The following CPNE8 variants were observed in gnomAD, a reference collection of about 807,000 sequenced individuals.
The protein encoded by CPNE8 is copine 8.
CPNE8 carries 45 observed loss-of-function variants against 81.5 expected under a neutral mutation model. That is an observed-to-expected ratio of 0.55 (90% CI 0.44 to 0.71). The LOEUF is 0.71. Ranked by LOEUF, CPNE8 falls within the 30% of genes least tolerant of loss-of-function variation. The pLI, the probability that CPNE8 is intolerant of heterozygous loss-of-function variation, is 0.00. For missense variants in CPNE8, 594 were observed against 672.1 expected, an observed-to-expected ratio of 0.88 and a Z score of 1.28; for synonymous variants, 252 against 226.3, an observed-to-expected ratio of 1.11 and a Z score of -1.02.
At chr12:38,712,327 A>G (rs1320508077) in intron 13 of CPNE8, among the ~76,000 whole-genome samples, 19 of 151,212 alleles carry the variant, frequency 1.3e-4, no homozygotes, top group African/African-American at 4.1e-4. Context: ...CCTGCACCTT[A>G]GCCCACTGAG....
At chr12:38,818,235 T>C (rs1943059019) in intron 6 of CPNE8, among the ~76,000 whole-genome samples, 1 of 151,714 alleles carries the variant, frequency 6.6e-6, no homozygotes, top group Non-Finnish European at 1.5e-5. Context: ...ATCATCTAGG[T>C]TTTAAGCCCC....
chr12:38,864,007 T>C (rs889951968), intron 3 of CPNE8, among the ~76,000 whole-genome samples: 3 of 150,580 alleles, frequency 2.0e-5, no homozygotes, highest in African/African-American at 4.9e-5. Context: ...TGAGCCGAGA[T>C]TGCTCCACTG....
intron 6 of CPNE8, among the ~76,000 whole-genome samples, chr12:38,783,388 G>C (rs1942097806): frequency 6.6e-6 from 1 of 152,158 alleles, no homozygotes; most frequent in Non-Finnish European, 1.5e-5. Context: ...AAGAAAATCA[G>C]TCTTGAATCA....
At chr12:38,836,787 C>G (rs971216301) in intron 5 of CPNE8, among the ~76,000 whole-genome samples, 4 of 152,056 alleles carry the variant, frequency 2.6e-5, no homozygotes, top group African/African-American at 9.7e-5. Flanking sequence ...TTCAAAAATC[C>G]TCATGAATTT....
intron 6 of CPNE8, among the ~76,000 whole-genome samples, chr12:38,789,301 A>AC (rs1192332676): frequency 9.2e-5 from 14 of 151,712 alleles, no homozygotes; most frequent in South Asian, 2.1e-4. Flanking sequence ...CAACCTATAC[A>AC]CCTCCAGTGA....
At chr12:38,782,571 A>C (rs984497548) in intron 6 of CPNE8, among the ~76,000 whole-genome samples, 1 of 152,190 alleles carries the variant, frequency 6.6e-6, no homozygotes, top group Admixed American at 6.6e-5. Context: ...AGAAAGACCT[A>C]GAATATGAAA....
Position 38,800,619 on chromosome 12 carries a change from C to T in CPNE8, c.408-24318G>A, listed in dbSNP as rs1378302599. 1.6e-4 allele frequency among the ~76,000 whole-genome samples: 3 copies of T among 18,464 alleles called. 1 individual carries two copies. Among genetic ancestry groups the T allele is most frequent in the African/African-American group, 2.5e-4 (3 of 11,830 alleles). 12.1% of individuals were successfully genotyped at this position (18,464 alleles called of 152,430 possible). A position where few individuals can be genotyped will look rare whatever the true frequency, so the allele number is the denominator to read the frequency against. On this transcript the variant is annotated intron_variant, in intron 6 of 19. Coordinates refer to ENST00000331366, the MANE Select transcript of CPNE8 (RefSeq NM_153634.3). Reference sequence around the variant, plus strand: ...GAGCCCCTCTCCTCCTCCAAAGGAACGCAGTTCCTCACCAGCAACGGAACA... The same window carrying T: ...GAGCCCCTCTCCTCCTCCAAAGGAATGCAGTTCCTCACCAGCAACGGAACA...
rs1942776830 is a variant in CPNE8, at chr12:38,805,561, A to T, written c.407+23818T>A. ...AGCATTGGGAGATATACCTAATGCTAGATGACACGTTAGTGGGTGCAGCGC... is the reference window on the plus strand; with the variant it reads ...AGCATTGGGAGATATACCTAATGCTTGATGACACGTTAGTGGGTGCAGCGC... On this transcript the variant is annotated intron_variant, in intron 6 of 19. Coordinates refer to ENST00000331366, the MANE Select transcript of CPNE8 (RefSeq NM_153634.3). Among the ~76,000 whole-genome samples the T allele has an allele frequency of 1.8e-5, 2 of 110,286 alleles. 1 individual carries two copies. The highest frequency in any genetic ancestry group is 7.8e-4 in the South Asian group (2 of 2,566). The allele number at this position is 110,286 out of a possible 152,430, so 72.4% of individuals were successfully genotyped here.
Position 38,760,451 on chromosome 12 carries a change from A to ATATATATATG in CPNE8, c.722+395_722+396insCATATATATA, listed in dbSNP as rs749406707. Among the ~76,000 whole-genome samples, 82 of 120,158 alleles carry ATATATATATG rather than the reference A, an allele frequency of 6.8e-4. 1 individual carries two copies. The highest frequency in any genetic ancestry group is 2.0e-3 in the East Asian group (9 of 4,552). 78.8% of individuals were successfully genotyped at this position (120,158 alleles called of 152,430 possible). A position where few individuals can be genotyped will look rare whatever the true frequency, so the allele number is the denominator to read the frequency against. ...GTATGGTGTGTATATATATATATAT[A>ATATATATATG]TGTGTGTGTATATAGGCAGAGTTGG... On this transcript the variant is annotated intron_variant, in intron 10 of 19. Coordinates refer to ENST00000331366, the MANE Select transcript of CPNE8 (RefSeq NM_153634.3).
At chr12:38,883,138 A>C (rs980068697) in intron 1 of CPNE8, among the ~76,000 whole-genome samples, 1 of 152,188 alleles carries the variant, frequency 6.6e-6, no homozygotes, top group African/African-American at 2.4e-5. Flanking sequence ...CCAAGTAGCA[A>C]TTATTAGCAG....
chr12:38,769,608 C>A (rs1025577488), intron 7 of CPNE8, among the ~76,000 whole-genome samples: 3 of 152,046 alleles, frequency 2.0e-5, no homozygotes, highest in African/African-American at 4.8e-5. Context: ...ATTGTTCTTG[C>A]AGAAAAACAT....
intron 1 of CPNE8, among the ~76,000 whole-genome samples, chr12:38,876,041 A>C (rs1409570547): frequency 2.0e-5 from 3 of 152,226 alleles, no homozygotes; most frequent in Non-Finnish European, 4.4e-5. Flanking sequence ...TCACAAAAAA[A>C]CAGAGATGAC....
intron 10 of CPNE8, among the ~76,000 whole-genome samples, chr12:38,731,405 GA>G (rs1940828449): frequency 6.6e-6 from 1 of 151,804 alleles, no homozygotes; most frequent in Non-Finnish European, 1.5e-5. Context: ...TTTAACCAAT[GA>G]AAATACCAGT....
intron 10 of CPNE8, among the ~76,000 whole-genome samples, chr12:38,746,084 A>AATTTCAATATAT (rs1349767208): frequency 6.6e-6 from 1 of 152,164 alleles, no homozygotes; most frequent in Non-Finnish European, 1.5e-5. Flanking sequence ...TCAGTAAGAC[A>AATTTCAATATAT]ATTTCAATAT....
chr12:38,702,946 A>G, intron 13 of CPNE8, 25 bp from the exon 14 acceptor site: 1 of 1,485,444 alleles, frequency 6.7e-7, no homozygotes, highest in Non-Finnish European at 9.2e-7. Context: ...AACAAGACTC[A>G]TTAATAATGA....
chr12:38,778,973 G>T (rs79556931), intron 6 of CPNE8, among the ~76,000 whole-genome samples: 1 of 151,966 alleles, frequency 6.6e-6, no homozygotes, highest in Non-Finnish European at 1.5e-5. Context: ...ATATAGCATG[G>T]CACATTTTGT....
intron 6 of CPNE8, among the ~76,000 whole-genome samples, chr12:38,796,243 T>A (rs567366272): frequency 2.0e-5 from 3 of 151,968 alleles, no homozygotes; most frequent in Non-Finnish European, 4.4e-5. Flanking sequence ...GCCAAGATCG[T>A]GCTACTGCAC....
intron 6 of CPNE8, among the ~76,000 whole-genome samples, chr12:38,797,125 G>T (rs1942502689): frequency 6.6e-6 from 1 of 152,210 alleles, no homozygotes; most frequent in African/African-American, 2.4e-5. Flanking sequence ...GCAGGGCACA[G>T]ACAAACAAAA....
At position 38,902,378 on chromosome 12, in the gene CPNE8, AAGAAAAGAAAGAAAG is replaced by A. The variant is rs1565670206; in HGVS notation, c.98+3044_98+3058del. ...AAAGAAAGAAAGAAAGAAAGAAAGA[AAGAAAAGAAAGAAAG>A]AGAAAGAAAGAAAGAAAGAAAGAAA... On this transcript the variant is annotated intron_variant, in intron 1 of 19. Transcript: ENST00000331366. Among the ~76,000 whole-genome samples, 34 of 104,270 alleles carry A rather than the reference AAGAAAAGAAAGAAAG, an allele frequency of 3.3e-4. 1 individual carries two copies. The highest frequency in any genetic ancestry group is 1.9e-3 in the East Asian group (7 of 3,758). The allele number at this position is 104,270 out of a possible 152,430, so 68.4% of individuals were successfully genotyped here.
Sources: allele counts gnomAD v4.1 joint callset (sites outside exome capture counted in the v4.1 genomes callset), GRCh38; gene constraint gnomAD v4.1.1; transcripts MANE v1.5; gene names NCBI Gene and HGNC (gene_info 2026-07-23, HGNC 2026-07-21).